Variants in SUGCT observed in about 807,000 individuals in gnomAD.
SUGCT encodes succinyl-CoA:glutarate CoA-transferase.
Under a neutral mutation model 55.0 loss-of-function variants are expected in SUGCT, and 41 were observed. The observed-to-expected ratio is 0.74, with a 90% CI of 0.58 to 0.97. The LOEUF is 0.97. Ranked by LOEUF, SUGCT falls within the 50% of genes least tolerant of loss-of-function variation. The probability of loss-of-function intolerance (pLI) is 0.00; values close to 1 mark genes in which losing one functional copy is unlikely to be tolerated. For synonymous variants in SUGCT, 187 were observed against 200.4 expected (o/e 0.93, Z 0.56); for missense variants, 568 against 547.8 (o/e 1.04, Z -0.37).
chr7:40,224,848 GC>G (rs1788236731), intron 6 of SUGCT, among the ~76,000 whole-genome samples: 1 of 152,184 alleles, frequency 6.6e-6, no homozygotes, highest in African/African-American at 2.4e-5. Context: ...TTGTGACTCT[GC>G]CTTTTGTGTT....
chr7:40,996,852 T>G, the SUGCT span, among the ~76,000 whole-genome samples: 7 of 152,286 alleles, frequency 4.6e-5, no homozygotes, highest in Non-Finnish European at 8.8e-5. Flanking sequence ...TCTCTGTCAT[T>G]TCTCAATTTA....
At chr7:40,674,167 A>G (rs1036045088) in intron 12 of SUGCT, among the ~76,000 whole-genome samples, 1 of 152,224 alleles carries the variant, frequency 6.6e-6, no homozygotes, top group African/African-American at 2.4e-5. Context: ...ACCAAGTACT[A>G]TTTCTTCTTG....
chr7:40,707,901 T>A (rs1785504801), intron 12 of SUGCT, among the ~76,000 whole-genome samples: 1 of 152,242 alleles, frequency 6.6e-6, no homozygotes, highest in Non-Finnish European at 1.5e-5. Flanking sequence ...TTTCTGTGCA[T>A]TTAGAAAATA....
At chr7:40,321,128 G>A (rs938214998) in intron 9 of SUGCT, among the ~76,000 whole-genome samples, 7 of 86,620 alleles carry the variant, frequency 8.1e-5, no homozygotes, top group African/African-American at 2.1e-4. Context: ...CCAGGCTGGA[G>A]TGTATGGTGC....
chr7:40,389,277 C>T (rs144059724), intron 9 of SUGCT, among the ~76,000 whole-genome samples: 70 of 152,066 alleles, frequency 4.6e-4, no homozygotes, highest in African/African-American at 1.7e-3. Context: ...CGGAGAAACC[C>T]CATCTCTACA....
At chr7:40,238,788 C>T (rs929743290) in intron 7 of SUGCT, among the ~76,000 whole-genome samples, 9 of 149,204 alleles carry the variant, frequency 6.0e-5, no homozygotes, top group African/African-American at 1.7e-4. Context: ...GTTTCATTTT[C>T]ACAAGTCTTA....
At chr7:40,997,925 G>A in the SUGCT span, among the ~76,000 whole-genome samples, 9 of 151,804 alleles carry the variant, frequency 5.9e-5, no homozygotes, top group Non-Finnish European at 1.2e-4. Flanking sequence ...AAGGGTGCTT[G>A]CCCTGGTGTA....
At chr7:40,776,372 T>C (rs150381965) in intron 13 of SUGCT, among the ~76,000 whole-genome samples, 7 of 152,302 alleles carry the variant, frequency 4.6e-5, no homozygotes, top group African/African-American at 1.7e-4. Context: ...GTTGGTGTCT[T>C]TTTTTGTTTG....
At chr7:40,378,065 T>C (rs1490362317) in intron 9 of SUGCT, among the ~76,000 whole-genome samples, 1 of 152,192 alleles carries the variant, frequency 6.6e-6, no homozygotes, top group Non-Finnish European at 1.5e-5. Flanking sequence ...GGTGTTTGTG[T>C]AGTATGGAAC....
At chr7:40,313,495 G>A (rs1795269637) in intron 8 of SUGCT, among the ~76,000 whole-genome samples, 1 of 151,938 alleles carries the variant, frequency 6.6e-6, no homozygotes, top group African/African-American at 2.4e-5. Flanking sequence ...CTTTCAGATT[G>A]GTAATACCCC....
intron 9 of SUGCT, among the ~76,000 whole-genome samples, chr7:40,323,150 C>T (rs964428407): frequency 2.6e-5 from 4 of 152,010 alleles, no homozygotes; most frequent in Non-Finnish European, 5.9e-5. Context: ...CTCCTGTCAT[C>T]AGTCTTGGTG....
chr7:40,884,144 C>G, the SUGCT span, among the ~76,000 whole-genome samples: 10 of 152,176 alleles, frequency 6.6e-5, no homozygotes, highest in Non-Finnish European at 1.5e-4. Context: ...GGATCAGACT[C>G]ATTCCAATAT....
chr7:40,487,602 G>A (rs1306980405), intron 11 of SUGCT, among the ~76,000 whole-genome samples: 1 of 151,890 alleles, frequency 6.6e-6, no homozygotes, highest in Non-Finnish European at 1.5e-5. Context: ...TTTTTAAAAT[G>A]TCATATTAAA....
At chr7:40,623,251 C>T (rs908480807) in intron 12 of SUGCT, among the ~76,000 whole-genome samples, 1 of 152,166 alleles carries the variant, frequency 6.6e-6, no homozygotes, top group African/African-American at 2.4e-5. Context: ...CTTAGAAACA[C>T]GTTCCTACTT....
intron 12 of SUGCT, among the ~76,000 whole-genome samples, chr7:40,677,938 G>A (rs939272527): frequency 1.3e-5 from 2 of 152,166 alleles, no homozygotes; most frequent in African/African-American, 4.8e-5. Flanking sequence ...GGGGTTGCAG[G>A]TGCTGCTTCC....
chr7:40,249,319 A>ATATATATATATATC (rs1790161503), intron 7 of SUGCT, among the ~76,000 whole-genome samples: 1 of 39,762 alleles, frequency 2.5e-5, no homozygotes, highest in Non-Finnish European at 6.4e-5. Context: ...AAAGCTATAT[A>ATATATATATATATC]TATATATATA....
At chr7:40,619,626 T>G (rs554170222) in intron 12 of SUGCT, among the ~76,000 whole-genome samples, 2 of 152,222 alleles carry the variant, frequency 1.3e-5, no homozygotes, top group South Asian at 4.1e-4. Flanking sequence ...TATATTTTTA[T>G]TATATAGCTT....
rs377487063 is a variant in SUGCT at position 40,181,880 on chromosome 7, C to T, written c.153-75C>T. 703 of 926,258 alleles carry T rather than the reference C, an allele frequency of 7.6e-4. 13 individuals carry two copies. The South Asian group carries it at 9.9e-3, about 13-fold the overall frequency. 57.4% of individuals were successfully genotyped at this position (926,258 alleles called of 1,614,324 possible). ...GATTATATGAGCGTGTCTGTGTTGA[C>T]GGGTTGTTGGAAAATAATTAATATA... On this transcript the variant is annotated intron_variant, in intron 2 of 13. Coordinates refer to ENST00000335693, the MANE Select transcript of SUGCT (RefSeq NM_001193313.2).
rs139234956 is a variant in SUGCT, at chr7:40,267,220, A to G, written c.577-7293A>G. ...AGAGACTCTTCCCTTTCTTGTCTTTATTGATGACAGTCATATCTGTTACTT... is the reference window on the plus strand; with the variant it reads ...AGAGACTCTTCCCTTTCTTGTCTTTGTTGATGACAGTCATATCTGTTACTT... On this transcript the variant is annotated intron_variant, in intron 7 of 13. Coordinates refer to ENST00000335693, the MANE Select transcript of SUGCT (RefSeq NM_001193313.2). Among the ~76,000 whole-genome samples the G allele has an allele frequency of 7.3e-3, 1,114 of 152,204 alleles. 11 individuals carry two copies. The highest frequency in any genetic ancestry group is 0.026 in the African/African-American group (1,070 of 41,522).
Sources: gnomAD v4.1 joint callset for allele counts (sites outside exome capture counted in the v4.1 genomes callset) on GRCh38, gnomAD v4.1.1 for gene constraint, MANE v1.5 for transcripts, NCBI Gene and HGNC (gene_info 2026-07-23, HGNC 2026-07-21) for gene names.